Variants in HJURP observed in about 807,000 individuals in gnomAD.
The protein encoded by HJURP is Holliday junction recognition protein, also known as 14-3-3-associated AKT substrate.
Under a neutral mutation model 72.0 loss-of-function variants are expected in HJURP, and 49 were observed. That is an observed-to-expected ratio of 0.68 (90% CI 0.54 to 0.86). HJURP has a LOEUF of 0.86. Among genes scored for constraint, HJURP ranks in the 40% least tolerant of loss-of-function variants. The probability of loss-of-function intolerance (pLI) is 0.00; values close to 1 mark genes in which losing one functional copy is unlikely to be tolerated. For synonymous variants in HJURP, 357 were observed against 347.1 expected (o/e 1.03, Z -0.32); for missense variants, 908 against 936.3 (o/e 0.97, Z 0.39).
Position 233,846,374 on chromosome 2 carries a change from C to T in HJURP, c.403-554G>A, listed in dbSNP as rs1315442032. ...GGCTGAGGCAGGAGAATCGCTTGAA[C>T]CCAGGAAGTAGAGGTTGCAGTGAGC... On this transcript the variant is annotated intron_variant, in intron 5 of 8. Coordinates refer to ENST00000411486, the MANE Select transcript of HJURP (RefSeq NM_018410.5). This position sits in a 1 kb window ranked among gnomAD's most constrained non-coding sequence, Gnocchi z 4.3. Among the ~76,000 whole-genome samples the T allele has an allele frequency of 6.6e-6, 1 of 152,190 alleles. No homozygotes were observed. The highest frequency in any genetic ancestry group is 1.9e-4 in the East Asian group (1 of 5,198).
Position 233,841,372 on chromosome 2 carries a change from C to T in HJURP, c.1408G>A (p.Gly470Ser). Residue 470 changes from glycine to serine, a missense_variant, in exon 8 of 9, where the codon GGT becomes AGT. Gly to Ser is a moderately conservative substitution (Grantham distance 56). Around this residue, in one of 3 missense-constraint regions of HJURP, gnomAD observed 598 missense variants for 619.5 expected, o/e 0.97. Transcript: ENST00000411486. ...DSWAMNMYRG[G>S]PASPGGLQGL... is the part of the protein sequence containing the mutation. ...TGAAGGCCACCAGGACTCGCAGGAC[C>T]CCCTCTGTACATGTTCATGGCCCAG... The T allele has an allele frequency of 6.2e-7, 1 of 1,614,130 alleles. No homozygotes were observed. The highest frequency in any genetic ancestry group is 8.5e-7 in the Non-Finnish European group (1 of 1,180,020).
Position 233,836,907 on chromosome 2 carries a change from G to C in HJURP, c.*670C>G, listed in dbSNP as rs1705078016. Reference sequence around the variant, plus strand: ...TCCTTCAAGGGTCATTGCATGCAGGGCTCGAACTTACGTCTCACAAGCAAA... The same window carrying C: ...TCCTTCAAGGGTCATTGCATGCAGGCCTCGAACTTACGTCTCACAAGCAAA... On this transcript the variant is annotated 3_prime_UTR_variant, in exon 9 of 9. Transcript: ENST00000411486. 6.6e-6 allele frequency: 1 copy of C among 152,286 alleles called. No individual in the cohort carries two copies. The highest frequency in any genetic ancestry group is 2.4e-5 in the African/African-American group (1 of 41,436). 9.4% of individuals were successfully genotyped at this position (152,286 alleles called of 1,614,324 possible). A position where few individuals can be genotyped will look rare whatever the true frequency, so the allele number is the denominator to read the frequency against.
At position 233,840,731 on chromosome 2, in the gene HJURP, G is replaced by C. The variant is rs17868365; in HGVS notation, c.2049C>G (p.Pro683=). Residue 683 remains proline (P), a synonymous_variant, in exon 8 of 9, where the codon CCC becomes CCG. Transcript: ENST00000411486. ...CGGAGCCCTGGGGTTCTGATAGCCT[G>C]GGTCTTTTTGCAGGGAACTGATGGT... ...TRDHQFPAKR[P]RLSEPQGSGR... 4.7e-3 allele frequency: 7,602 copies of C among 1,614,108 alleles called. 26 individuals are homozygous for C. Among genetic ancestry groups the C allele is most frequent in the Non-Finnish European group, 5.7e-3 (6,757 of 1,180,010 alleles).
rs140874442 is a variant in HJURP at position 233,844,217 on chromosome 2, C to G, written c.562G>C (p.Val188Leu). 1.9e-6 allele frequency: 3 copies of G among 1,614,026 alleles called. No homozygotes were observed. Among genetic ancestry groups the G allele is most frequent in the East Asian group, 2.2e-5 (1 of 44,888 alleles). ...ATGTCACACTCACCGGGGGCAGGCA[C>G]GGCAGGTGAGGCCAGTGAAGGCAGC... The part of the protein sequence containing the change: ...TPLPSLASPA[V>L]PAPGYCSRIS... Residue 188 changes from valine (V) to leucine (L), a missense_variant, in exon 7 of 9, where the codon GTG (valine) becomes CTG (leucine). Physicochemically the swap from Val to Leu is conservative, Grantham distance 32. Coordinates refer to ENST00000411486, the MANE Select transcript of HJURP (RefSeq NM_018410.5).
intron 2 of HJURP, among the ~76,000 whole-genome samples, chr2:233,853,487 T>C (rs1705544491): frequency 6.6e-6 from 1 of 152,190 alleles, no homozygotes; most frequent in African/African-American, 2.4e-5. Context: ...GGATTGTACG[T>C]GACTGTTACA....
Position 233,840,940 on chromosome 2 carries a change from T to A in HJURP, c.1840A>T (p.Met614Leu). ...CIGVSTDKAS[M>L]EVRYQTEGFL... is the part of the protein sequence containing the mutation. Reference sequence around the variant, plus strand: ...CCTTCTGTTTGATATCGAACTTCCATACTTGCTTTATCTGTAGACACTCCA... The same window carrying A: ...CCTTCTGTTTGATATCGAACTTCCAAACTTGCTTTATCTGTAGACACTCCA... Residue 614 changes from methionine (M) to leucine (L), a missense_variant, in exon 8 of 9, where the codon ATG becomes TTG. Around this residue, in one of 3 missense-constraint regions of HJURP, gnomAD observed 598 missense variants for 619.5 expected, o/e 0.97. Coordinates refer to ENST00000411486, the MANE Select transcript of HJURP (RefSeq NM_018410.5). The A allele has an allele frequency of 6.2e-7, 1 of 1,614,156 alleles. No homozygotes were observed. Among genetic ancestry groups the A allele is most frequent in the Non-Finnish European group, 8.5e-7 (1 of 1,180,032 alleles).
At chr2:233,840,563 G>C in intron 8 of HJURP, 46 bp downstream of exon 8, 2 of 1,519,942 alleles carry the variant, frequency 1.3e-6, no homozygotes, top group South Asian at 2.6e-5. Flanking sequence ...TGTCCAAAGA[G>C]CAGTCACTCA....
chr2:233,837,209 C>T lies in HJURP; in HGVS notation c.*368G>A, dbSNP rs1268825599. The stretch of plus-strand genomic sequence containing the variant: ...GCTGAGGCAGAAGAATCGCTTGAAC[C>T]CGGGAGGCGGAAGTTGCAGTGAGCC... On this transcript the variant is annotated 3_prime_UTR_variant, in exon 9 of 9. Coordinates refer to ENST00000411486, the MANE Select transcript of HJURP (RefSeq NM_018410.5). The T allele has an allele frequency of 8.9e-6, 2 of 224,624 alleles. No homozygotes were observed. The highest frequency in any genetic ancestry group is 1.7e-5 in the Non-Finnish European group (2 of 115,588). 13.9% of individuals were successfully genotyped at this position (224,624 alleles called of 1,614,324 possible).
At chr2:233,839,007 T>TC (rs1705152039) in intron 8 of HJURP, among the ~76,000 whole-genome samples, 1 of 152,204 alleles carries the variant, frequency 6.6e-6, no homozygotes, top group East Asian at 1.9e-4. Flanking sequence ...ACAGTGCCCC[T>TC]GACCCTAGCT....
At chr2:233,847,546 A>G in intron 4 of HJURP, 85 bp from the exon 5 acceptor site, 1 of 1,127,866 alleles carries the variant, frequency 8.9e-7, no homozygotes, top group African/African-American at 1.5e-5. Context: ...CATCACTTCG[A>G]GTAAGTTGTA....
chr2:233,853,990 G>A (rs1406916446), intron 1 of HJURP, 80 bp from the exon 2 acceptor site: 1 of 1,281,350 alleles, frequency 7.8e-7, no homozygotes, highest in South Asian at 1.2e-5. Context: ...GCGCCAGCCC[G>A]TGAGAGGCCG....
chr2:233,842,884 G>A (rs1249385623), intron 7 of HJURP, among the ~76,000 whole-genome samples: 1 of 152,206 alleles, frequency 6.6e-6, no homozygotes, highest in Non-Finnish European at 1.5e-5. Flanking sequence ...AGAACTGGGA[G>A]AGGCAGATAT....
rs373595163 is a variant in HJURP at position 233,837,643 on chromosome 2, G to C, written c.2181C>G (p.Asn727Lys). Residue 727 changes from asparagine (N) to lysine (K), a missense_variant, in exon 9 of 9, where the codon AAC (asparagine) becomes AAG (lysine). Coordinates refer to ENST00000411486, the MANE Select transcript of HJURP (RefSeq NM_018410.5). ...SQPNSEERGENTSYRMEEKSD... is the reference protein window; with the variant it reads ...SQPNSEERGEKTSYRMEEKSD... The stretch of plus-strand genomic sequence containing the variant: ...TTTTCTCTTCCATCCTGTAAGACGT[G>C]TTCTCTCCTCTAGGAAAAAAAAAAG... The C allele has an allele frequency of 5.6e-6, 9 of 1,600,960 alleles. No individual in the cohort carries two copies. The African/African-American group carries it at 9.4e-5, about 17-fold the overall frequency.
At chr2:233,852,302 G>A (rs1574652398) in intron 3 of HJURP, among the ~76,000 whole-genome samples, 2 of 152,214 alleles carry the variant, frequency 1.3e-5, no homozygotes, top group Admixed American at 6.5e-5. Flanking sequence ...CTCTGCACAT[G>A]TATTATCAGA....
rs1418755344 is a variant in HJURP, at chr2:233,841,711, T to C, written c.1069A>G (p.Lys357Glu). 2 of 1,614,192 alleles carry C rather than the reference T, an allele frequency of 1.2e-6. No individual in the cohort carries two copies. Among genetic ancestry groups the C allele is most frequent in the East Asian group, 2.2e-5 (1 of 44,876 alleles). Residue 357 changes from lysine (K) to glutamate (E), a missense_variant, in exon 8 of 9, where the codon AAA (lysine) becomes GAA (glutamate). By Grantham distance (56) the Lys-to-Glu change is moderately conservative. Around this residue, in one of 3 missense-constraint regions of HJURP, gnomAD observed 598 missense variants for 619.5 expected, o/e 0.97. Transcript: ENST00000411486. ...SCRKTGLKLEKAFLEVNRPQI... is the reference protein window; with the variant it reads ...SCRKTGLKLEEAFLEVNRPQI... ...GGTCTGTTGACTTCAAGAAAAGCTT[T>C]TTCCAATTTTAAACCTGTCTTACGG...
Position 233,837,504 on chromosome 2 carries a change from A to C in HJURP, c.*73T>G, listed in dbSNP as rs1436757630. ...AAGTCAACCAAGTCCTCACAGTCTC[A>C]AGAATCAAAAACAAAACAAAAATAC... On this transcript the variant is annotated 3_prime_UTR_variant, in exon 9 of 9. Coordinates refer to ENST00000411486, the MANE Select transcript of HJURP (RefSeq NM_018410.5). The C allele has an allele frequency of 1.8e-5, 19 of 1,065,660 alleles. No individual in the cohort carries two copies. Among genetic ancestry groups the C allele is most frequent in the Non-Finnish European group, 2.8e-5 (19 of 689,390 alleles). The allele number at this position is 1,065,660 out of a possible 1,614,324, so 66.0% of individuals were successfully genotyped here. A position where few individuals can be genotyped will look rare whatever the true frequency, so the allele number is the denominator to read the frequency against.
chr2:233,853,675 A>C (rs1427415080), intron 2 of HJURP, among the ~76,000 whole-genome samples, 169 bp downstream of exon 2: 2 of 152,226 alleles, frequency 1.3e-5, no homozygotes, highest in Non-Finnish European at 2.9e-5. Context: ...TCTCTTCAGG[A>C]ATTGTTCTAA....
rs185358051 is a variant in HJURP at position 233,839,237 on chromosome 2, A to G, written c.2171+1372T>C. On this transcript the variant is annotated intron_variant, in intron 8 of 8. Coordinates refer to ENST00000411486, the MANE Select transcript of HJURP (RefSeq NM_018410.5). ...GGAGCCTGAGCCGCTAACCCATGAG[A>G]CTGGTCTGTGTCCAGACAGCTCCCC... Among the ~76,000 whole-genome samples, 11 of 152,374 alleles carry G rather than the reference A, an allele frequency of 7.2e-5. No individual in the cohort carries two copies. In the East Asian group the frequency reaches 2.1e-3, roughly 29 times the overall value.
chr2:233,841,592 A>T lies in HJURP; in HGVS notation c.1188T>A (p.Tyr396Ter), dbSNP rs755708551. Reference protein sequence around the residue: ...SLIYFDSSATYNLDEENRFRT... With the variant: ...SLIYFDSSAT ...TAAATCTATTTTCCTCATCAAGATT[A>T]TATGTTGCACTGGAGTCGAAGTAAA... Residue 396 changes from tyrosine (Y) to a stop codon, truncating the protein, a stop_gained, in exon 8 of 9, where the codon TAT (tyrosine) becomes TAA (stop). Transcript: ENST00000411486. LOFTEE classifies it high-confidence loss of function. 2.5e-6 allele frequency: 4 copies of T among 1,614,090 alleles called. No individual in the cohort carries two copies. The highest frequency in any genetic ancestry group is 2.7e-5 in the African/African-American group (2 of 74,928).
Sources: allele counts gnomAD v4.1 joint callset (sites outside exome capture counted in the v4.1 genomes callset), GRCh38; gene constraint gnomAD v4.1.1; regional missense constraint gnomAD v4.1.1; non-coding constraint Gnocchi (gnomAD v3.1); transcripts MANE v1.5; gene names NCBI Gene and HGNC (gene_info 2026-07-23, HGNC 2026-07-21).